The following PPP2R2B variants were observed in gnomAD, a reference collection of about 807,000 sequenced individuals.
The protein encoded by PPP2R2B is serine/threonine-protein phosphatase 2A 55 kDa regulatory subunit B beta isoform.
Under a neutral mutation model 46.0 loss-of-function variants are expected in PPP2R2B, and 5 were observed. The observed-to-expected ratio is 0.11, with a 90% CI of 0.06 to 0.23. The LOEUF (loss-of-function observed/expected upper bound fraction) is 0.23. Ranked by LOEUF, PPP2R2B falls within the 10% of genes least tolerant of loss-of-function variation. The pLI, the probability that PPP2R2B is intolerant of heterozygous loss-of-function variation, is 1.00. For missense variants in PPP2R2B, 367 were observed against 575.0 expected (o/e 0.64, Z 3.70); for synonymous variants, 215 against 206.7 (o/e 1.04, Z -0.34).
intron 1 of PPP2R2B, among the ~76,000 whole-genome samples, chr5:146,969,047 C>T (rs1336738113): frequency 6.6e-6 from 1 of 152,236 alleles, no homozygotes; most frequent in South Asian, 2.1e-4. Context: ...TCCAGCCTAC[C>T]ACTGGTTAGA....
chr5:147,017,192 G>C (rs1224863004), intron 1 of PPP2R2B, among the ~76,000 whole-genome samples: 2 of 151,582 alleles, frequency 1.3e-5, no homozygotes, highest in Non-Finnish European at 2.9e-5. Context: ...GTCAAAAACT[G>C]TGGGCAATAG....
At chr5:146,779,727 T>A (rs1755395488) in intron 2 of PPP2R2B, among the ~76,000 whole-genome samples, 1 of 152,160 alleles carries the variant, frequency 6.6e-6, no homozygotes, top group Non-Finnish European at 1.5e-5. Flanking sequence ...ATGGCTCAGG[T>A]TGCACTGTAT....
chr5:147,056,389 G>T (rs2151905698), upstream of PPP2R2B, among the ~76,000 whole-genome samples: 1 of 152,286 alleles, frequency 6.6e-6, no homozygotes, highest in Non-Finnish European at 1.5e-5. Context: ...GAAGCCAAAA[G>T]CTGGATTGAG....
At chr5:146,596,228 A>G (rs1370916057) in intron 8 of PPP2R2B, among the ~76,000 whole-genome samples, 2 of 152,222 alleles carry the variant, frequency 1.3e-5, no homozygotes, top group African/African-American at 2.4e-5. Flanking sequence ...GTTCTATGGA[A>G]AAACTTGAAA....
chr5:146,742,914 G>A (rs746258623), intron 2 of PPP2R2B, among the ~76,000 whole-genome samples: 40 of 152,120 alleles, frequency 2.6e-4, no homozygotes, highest in Non-Finnish European at 4.4e-4. Context: ...TGCAAGCCAA[G>A]GACTGCCAAA....
At chr5:147,006,704 T>C (rs1244777812) in intron 1 of PPP2R2B, among the ~76,000 whole-genome samples, 1 of 152,104 alleles carries the variant, frequency 6.6e-6, no homozygotes, top group Non-Finnish European at 1.5e-5. Context: ...GCAGCAGTGA[T>C]TCTCCAAAAC....
intron 1 of PPP2R2B, among the ~76,000 whole-genome samples, chr5:147,008,489 G>C (rs1445941030): frequency 3.3e-5 from 5 of 152,156 alleles, no homozygotes; most frequent in Non-Finnish European, 5.9e-5. Flanking sequence ...ATCACTGTTT[G>C]TCCTAACTCA....
intron 1 of PPP2R2B, among the ~76,000 whole-genome samples, chr5:147,032,648 T>A (rs2151892493): frequency 6.6e-6 from 1 of 152,314 alleles, no homozygotes; most frequent in Admixed American, 6.5e-5. Flanking sequence ...TAGAATATAG[T>A]CTCCATTCTC....
At chr5:146,616,985 T>C (rs1197222224) in intron 7 of PPP2R2B, 1 of 152,268 alleles carries the variant, frequency 6.6e-6, no homozygotes. Context: ...GTTCACCAAC[T>C]GATGAATGGA....
In PPP2R2B at chr5:146,877,989, G is replaced by A. The variant is rs1291804109; in HGVS notation, c.70+13C>T. The A allele has an allele frequency of 6.2e-7, 1 of 1,608,676 alleles. No homozygotes were observed. The highest frequency in any genetic ancestry group is 8.5e-7 in the Non-Finnish European group (1 of 1,176,334). On this transcript the variant is annotated intron_variant, in intron 2 of 9. Transcript: ENST00000394411. Reference sequence around the variant, plus strand: ...CCGGCCCCAACGGCGGAATGCGGCGGGGCTGGCGTTACCTTCGGTCGCATA... The same window carrying A: ...CCGGCCCCAACGGCGGAATGCGGCGAGGCTGGCGTTACCTTCGGTCGCATA...
intron 2 of PPP2R2B, among the ~76,000 whole-genome samples, chr5:146,713,959 A>G (rs1780343866): frequency 6.6e-6 from 1 of 152,128 alleles, no homozygotes. Flanking sequence ...TTTGGGAGTT[A>G]TTAGCATTCA....
rs57417705 is a variant in PPP2R2B, at chr5:146,640,414, G to A, written c.626-1999C>T. On this transcript the variant is annotated intron_variant, in intron 6 of 9. Transcript: ENST00000394411. The stretch of plus-strand genomic sequence containing the variant: ...TAGCATCACATGCTGTGGAGCAAGA[G>A]CCTGTGCCCCTCAGGAGGAGGCTCT... Among the ~76,000 whole-genome samples, 1,113 of 152,340 alleles carry A rather than the reference G, an allele frequency of 7.3e-3. 16 individuals carry two copies. Among genetic ancestry groups the A allele is most frequent in the African/African-American group, 0.026 (1,060 of 41,568 alleles).
At position 146,878,430 on chromosome 5, in the gene PPP2R2B, G is replaced by A; in HGVS notation, c.-125+161C>T. ...GCCCGCCCCGGAGGCGCTCACAAGC[G>A]GGTCTGGGGAGATGCCCAACAGGTT... On this transcript the variant is annotated intron_variant, in intron 1 of 9. Coordinates refer to ENST00000394411, the MANE Select transcript of PPP2R2B (RefSeq NM_181675.4). This position sits in a 1 kb window ranked among gnomAD's most constrained non-coding sequence, Gnocchi z 4.5. 1 of 1,373,892 alleles carries A rather than the reference G, an allele frequency of 7.3e-7. No individual in the cohort carries two copies. Among genetic ancestry groups the A allele is most frequent in the Non-Finnish European group, 9.4e-7 (1 of 1,063,684 alleles). 85.1% of individuals were successfully genotyped at this position (1,373,892 alleles called of 1,614,324 possible).
At chr5:146,770,688 A>G (rs959954747) in intron 2 of PPP2R2B, among the ~76,000 whole-genome samples, 1 of 152,162 alleles carries the variant, frequency 6.6e-6, no homozygotes, top group African/African-American at 2.4e-5. Flanking sequence ...TAAATCTGCT[A>G]TGTGGGTTGG....
At chr5:146,877,414 TC>T (rs1761957671) in intron 2 of PPP2R2B, among the ~76,000 whole-genome samples, 1 of 152,180 alleles carries the variant, frequency 6.6e-6, no homozygotes, top group Non-Finnish European at 1.5e-5. Flanking sequence ...TCAGCCTCAT[TC>T]GCTGCCCGCC....
At chr5:146,837,887 T>A (rs1049563733) in intron 2 of PPP2R2B, among the ~76,000 whole-genome samples, 2 of 152,082 alleles carry the variant, frequency 1.3e-5, no homozygotes, top group Admixed American at 6.5e-5. Context: ...TAGAGAAGAA[T>A]GGTATCAGAG....
intron 6 of PPP2R2B, among the ~76,000 whole-genome samples, chr5:146,641,467 G>A (rs906844281): frequency 1.3e-5 from 2 of 149,002 alleles, no homozygotes; most frequent in African/African-American, 5.0e-5. Context: ...TTTGGTGACT[G>A]CATTTTCCAG....
intron 7 of PPP2R2B, among the ~76,000 whole-genome samples, chr5:146,627,417 C>T (rs1376376014): frequency 6.6e-6 from 1 of 152,134 alleles, no homozygotes; most frequent in East Asian, 1.9e-4. Context: ...TAGTGGCTTA[C>T]TTACCAGGGG....
intron 1 of PPP2R2B, among the ~76,000 whole-genome samples, chr5:146,927,656 G>T (rs1019795819): frequency 4.6e-5 from 7 of 151,698 alleles, no homozygotes; most frequent in African/African-American, 1.7e-4. Context: ...CCCTAGACAT[G>T]GTCTCAGAAT....
Sources: allele counts gnomAD v4.1 joint callset (sites outside exome capture counted in the v4.1 genomes callset), GRCh38; gene constraint gnomAD v4.1.1; non-coding constraint Gnocchi (gnomAD v3.1); transcripts MANE v1.5; gene names NCBI Gene and HGNC (gene_info 2026-07-23, HGNC 2026-07-21).